Variants in SAMD8 observed in about 807,000 individuals in gnomAD.
SAMD8 encodes the protein sphingomyelin synthase-related protein 1.
SAMD8 carries 20 observed loss-of-function variants against 42.0 expected under a neutral mutation model. That is an observed-to-expected ratio of 0.48 (90% CI 0.34 to 0.69). The LOEUF is 0.69. SAMD8 is among the 30% of genes least tolerant of loss of function. The pLI, the probability that SAMD8 is intolerant of heterozygous loss-of-function variation, is 0.01. For synonymous variants in SAMD8, 162 were observed against 173.0 expected (o/e 0.94, Z 0.50); for missense variants, 328 against 511.6 (o/e 0.64, Z 3.46).
chr10:75,123,951 CT>C (rs769251259), intron 1 of SAMD8, among the ~76,000 whole-genome samples: 7 of 152,150 alleles, frequency 4.6e-5, no homozygotes, highest in Non-Finnish European at 7.3e-5. Flanking sequence ...TGGTCTCAAA[CT>C]TTTCAGCTCC....
chr10:75,103,491 G>A (rs947383858), intron 1 of SAMD8, among the ~76,000 whole-genome samples: 20 of 152,238 alleles, frequency 1.3e-4, no homozygotes, highest in Admixed American at 1.0e-3. Context: ...CCTGAGGCCA[G>A]AGAGATGGTC....
At chr10:75,126,129 T>C (rs1206893516) in intron 1 of SAMD8, among the ~76,000 whole-genome samples, 2 of 152,186 alleles carry the variant, frequency 1.3e-5, no homozygotes, top group Non-Finnish European at 2.9e-5. Context: ...TATTTTTAAA[T>C]TTTTGCTATT....
upstream of SAMD8, chr10:75,111,571 G>C: frequency 8.0e-7 from 1 of 1,249,374 alleles, no homozygotes; most frequent in Non-Finnish European, 1.0e-6. Flanking sequence ...AGTCGCCACC[G>C]CCCCCGCCTC....
rs60024591 is a variant in SAMD8 at position 75,148,346 on chromosome 10, C to CTTTTTTT, written c.-15-2149_-15-2143dup. ...GGGAAAGAATGCAGAGCAATACCAGCTTTTTTTTTTTTTTTTTTTTTTTTT... is the reference window on the plus strand; with the variant it reads ...GGGAAAGAATGCAGAGCAATACCAGCTTTTTTTTTTTTTTTTTTTTTTTTTTTTTTTT... On this transcript the variant is annotated intron_variant, in intron 1 of 5. Transcript: ENST00000542569. 4.1e-3 allele frequency among the ~76,000 whole-genome samples: 339 copies of CTTTTTTT among 82,540 alleles called. 58 individuals are homozygous for CTTTTTTT. The highest frequency in any genetic ancestry group is 0.02 in the African/African-American group (307 of 15,298). The allele number at this position is 82,540 out of a possible 152,430, so 54.1% of individuals were successfully genotyped here. A position where few individuals can be genotyped will look rare whatever the true frequency, so the allele number is the denominator to read the frequency against.
chr10:75,166,413 T>C (rs1280513593), intron 3 of SAMD8, among the ~76,000 whole-genome samples: 1 of 151,484 alleles, frequency 6.6e-6, no homozygotes, highest in Non-Finnish European at 1.5e-5. Flanking sequence ...AAAAAAAAAT[T>C]GTAGCTTCTG....
At chr10:75,109,292 G>A, upstream of SAMD8, 3 of 1,016,644 alleles carry the variant, frequency 3.0e-6, no homozygotes, top group Non-Finnish European at 4.0e-6. Flanking sequence ...CCTCTGGAGT[G>A]GACAAGACCT....
chr10:75,158,122 G>A (rs112374746), intron 2 of SAMD8, among the ~76,000 whole-genome samples: 433 of 151,042 alleles, frequency 2.9e-3, no homozygotes, highest in African/African-American at 0.01. Flanking sequence ...TCACACCATT[G>A]CACTCCAGCC....
At chr10:75,127,356 T>G (rs1377045154) in intron 1 of SAMD8, among the ~76,000 whole-genome samples, 1 of 152,214 alleles carries the variant, frequency 6.6e-6, no homozygotes, top group Non-Finnish European at 1.5e-5. Flanking sequence ...ATATGAACTT[T>G]AAAATGAGAT....
intron 2 of SAMD8, among the ~76,000 whole-genome samples, chr10:75,163,919 CA>C (rs1363658111): frequency 6.6e-6 from 1 of 151,810 alleles, no homozygotes; most frequent in Non-Finnish European, 1.5e-5. Flanking sequence ...AGAGGTAAAA[CA>C]AAAAACAAAA....
At chr10:75,132,499 A>G (rs1022927437) in intron 1 of SAMD8, among the ~76,000 whole-genome samples, 1 of 152,188 alleles carries the variant, frequency 6.6e-6, no homozygotes, top group African/African-American at 2.4e-5. Context: ...CCAGATCCTG[A>G]TTCCTGGTAA....
intron 1 of SAMD8, among the ~76,000 whole-genome samples, chr10:75,104,282 G>A (rs1458152321): frequency 1.3e-5 from 2 of 152,162 alleles, no homozygotes; most frequent in Admixed American, 1.3e-4. Flanking sequence ...ATGGCTTAGG[G>A]ACAGAGATGA....
chr10:75,111,573 C>T (rs1452209790), upstream of SAMD8: 1 of 1,251,382 alleles, frequency 8.0e-7, no homozygotes, highest in Non-Finnish European at 1.0e-6. Context: ...TCGCCACCGC[C>T]CCCGCCTCCA....
upstream of SAMD8, chr10:75,111,436 C>T: frequency 9.4e-7 from 1 of 1,067,818 alleles, no homozygotes; most frequent in Non-Finnish European, 1.2e-6. Flanking sequence ...CCAGTGTGGG[C>T]CCCGCCCCCT....
chr10:75,145,531 A>G (rs977938165), intron 1 of SAMD8, among the ~76,000 whole-genome samples: 4 of 152,178 alleles, frequency 2.6e-5, no homozygotes, highest in African/African-American at 4.8e-5. Context: ...ATGCTGTTCA[A>G]CTACTTGAAC....
chr10:75,163,101 A>G (rs1275738574), intron 2 of SAMD8, among the ~76,000 whole-genome samples: 2 of 151,786 alleles, frequency 1.3e-5, no homozygotes, highest in Non-Finnish European at 2.9e-5. Flanking sequence ...ATTTTTTTGT[A>G]TTTTTAGTAG....
Position 75,138,058 on chromosome 10 carries a change from C to T in SAMD8, c.-15-12456C>T, listed in dbSNP as rs1393182467. 2.0e-5 allele frequency among the ~76,000 whole-genome samples: 3 copies of T among 152,068 alleles called. No homozygotes were observed. The East Asian group carries it at 5.8e-4, about 29-fold the overall frequency. On this transcript the variant is annotated intron_variant, in intron 1 of 5. Transcript: ENST00000542569. ...TAATCCTTGTGGATAGCCAAAACTT[C>T]AGTAAAACAACTCCCATTTCACCAT...
intron 1 of SAMD8, chr10:75,099,815 T>G: frequency 5.7e-6 from 1 of 174,486 alleles, no homozygotes; most frequent in East Asian, 1.6e-4. Context: ...GAGCAAGTCT[T>G]TGCTCCCATC....
intron 1 of SAMD8, among the ~76,000 whole-genome samples, chr10:75,129,898 G>A (rs563932833): frequency 3.9e-5 from 6 of 152,268 alleles, no homozygotes; most frequent in Non-Finnish European, 5.9e-5. Flanking sequence ...AGAAACAAGA[G>A]CTAGGGCACT....
At chr10:75,143,048 C>T (rs1374471262) in intron 1 of SAMD8, among the ~76,000 whole-genome samples, 2 of 152,178 alleles carry the variant, frequency 1.3e-5, no homozygotes, top group South Asian at 4.1e-4. Context: ...GTGGCTCACG[C>T]CTGTAATCCC....
Sources: allele counts gnomAD v4.1 joint callset (sites outside exome capture counted in the v4.1 genomes callset), GRCh38; gene constraint gnomAD v4.1.1; transcripts MANE v1.5; gene names NCBI Gene and HGNC (gene_info 2026-07-23, HGNC 2026-07-21).